Variants in TIAM2 observed in about 807,000 individuals in gnomAD.
TIAM2 encodes TIAM Rac1 associated GEF 2.
A neutral mutation model predicts 152.9 loss-of-function variants in TIAM2; 80 were observed. That is an observed-to-expected ratio of 0.52 (90% CI 0.44 to 0.63). The LOEUF (loss-of-function observed/expected upper bound fraction) is 0.63, where lower values mean the gene tolerates loss of function less well. Ranked by LOEUF, TIAM2 falls within the 30% of genes least tolerant of loss-of-function variation. TIAM2 has a pLI of 0.00. For missense variants in TIAM2, 1,965 were observed against 2,120.1 expected (o/e 0.93, Z 1.44); for synonymous variants, 804 against 838.0 (o/e 0.96, Z 0.70).
intron 14 of TIAM2, among the ~76,000 whole-genome samples, chr6:155,205,525 C>T (rs1402983608): frequency 6.6e-6 from 1 of 152,166 alleles, no homozygotes; most frequent in Non-Finnish European, 1.5e-5. Context: ...GGTCTGCTGG[C>T]GGCCACCTGG....
intron 1 of TIAM2, among the ~76,000 whole-genome samples, chr6:155,007,168 G>C (rs1778416335): frequency 6.6e-6 from 1 of 152,102 alleles, no homozygotes; most frequent in African/African-American, 2.4e-5. Flanking sequence ...TGGAGGGTGT[G>C]GGGGAGTGGA....
chr6:155,043,266 C>T (rs1326794448), intron 1 of TIAM2, among the ~76,000 whole-genome samples: 2 of 152,160 alleles, frequency 1.3e-5, no homozygotes, highest in Non-Finnish European at 2.9e-5. Flanking sequence ...TCAGCACTGG[C>T]TACACATGAG....
At chr6:155,106,175 T>C (rs1778684282) in intron 2 of TIAM2, among the ~76,000 whole-genome samples, 1 of 151,856 alleles carries the variant, frequency 6.6e-6, no homozygotes, top group African/African-American at 2.4e-5. Flanking sequence ...TGGCTAATTT[T>C]TGTAGTTTTA....
intron 1 of TIAM2, among the ~76,000 whole-genome samples, chr6:155,084,163 TTCTTGTATTTGAG>T (rs1318959477): frequency 6.6e-6 from 1 of 152,130 alleles, no homozygotes; most frequent in Non-Finnish European, 1.5e-5. Context: ...AGTGTTACTA[TTCTTGTATTTGAG>T]TCTTACTTGA....
chr6:155,061,201 CTG>C (rs1163636106), intron 1 of TIAM2, among the ~76,000 whole-genome samples: 1 of 152,172 alleles, frequency 6.6e-6, no homozygotes, highest in Non-Finnish European at 1.5e-5. Context: ...ACATTTATAT[CTG>C]TGTGTCTATC....
intron 14 of TIAM2, among the ~76,000 whole-genome samples, chr6:155,187,287 T>A (rs1781062718): frequency 6.6e-6 from 1 of 152,166 alleles, no homozygotes. Flanking sequence ...CTATATCTAA[T>A]GAATCTTTTA....
At position 155,027,417 on chromosome 6, in the gene TIAM2, GT is replaced by G. The variant is rs1319338435; in HGVS notation, c.-209+31926del. 1.1e-3 allele frequency among the ~76,000 whole-genome samples: 120 copies of G among 108,424 alleles called. 1 individual carries two copies. Among genetic ancestry groups the G allele is most frequent in the African/African-American group, 4.4e-3 (109 of 24,852 alleles). The allele number at this position is 108,424 out of a possible 152,430, so 71.1% of individuals were successfully genotyped here. A position where few individuals can be genotyped will look rare whatever the true frequency, so the allele number is the denominator to read the frequency against. On this transcript the variant is annotated intron_variant, in intron 1 of 26. Transcript: ENST00000682666. ...ATATACTATATATAATATATATACT[GT>G]GTTACATATATACTATATATAATAT...
intron 14 of TIAM2, among the ~76,000 whole-genome samples, chr6:155,184,637 T>C (rs1311600008): frequency 6.6e-6 from 1 of 152,184 alleles, no homozygotes; most frequent in Non-Finnish European, 1.5e-5. Flanking sequence ...AATCTCTGCA[T>C]GATTACCAAA....
At chr6:155,227,943 T>G (rs894238059) in intron 15 of TIAM2, among the ~76,000 whole-genome samples, 2 of 152,334 alleles carry the variant, frequency 1.3e-5, no homozygotes, top group Non-Finnish European at 2.9e-5. Flanking sequence ...CTTAGAACTA[T>G]TATCAGAGCA....
chr6:155,217,051 G>A, intron 15 of TIAM2: 1 of 1,289,356 alleles, frequency 7.8e-7, no homozygotes, highest in South Asian at 1.2e-5. Context: ...CTCCCAGAGG[G>A]AGCAGGTTTC....
Position 155,183,271 on chromosome 6 carries a change from T to C in TIAM2, c.2835T>C (p.Asn945=), listed in dbSNP as rs754483939. The change falls in exon 14 of 27, where the codon AAT becomes AAC. Residue 945 remains asparagine, a synonymous_variant. Coordinates refer to ENST00000682666, the MANE Select transcript of TIAM2 (RefSeq NM_012454.4). ...AGGGCAATGAGATCATGACCTTAAA[T>C]GGGGAAGCTGTGTCTGATCTTGACC... ...LRKGNEIMTL[N]GEAVSDLDLK... is the part of the protein sequence containing the mutation. The C allele has an allele frequency of 6.2e-7, 1 of 1,614,226 alleles. No homozygotes were observed. The highest frequency in any genetic ancestry group is 8.5e-7 in the Non-Finnish European group (1 of 1,180,036).
rs117029710 is a variant in TIAM2, at chr6:155,165,316, G to A, written c.2268G>A (p.Gln756=). The A allele has an allele frequency of 3.1e-3, 5,081 of 1,614,134 alleles. 8 individuals are homozygous for A. The highest frequency in any genetic ancestry group is 3.8e-3 in the Non-Finnish European group (4,522 of 1,180,024). The change falls in exon 9 of 27, where the codon CAG becomes CAA. Residue 756 remains glutamine (Q), a synonymous_variant. Transcript: ENST00000682666. ...ALRKRTLSLT[Q]RGRNKKGIFS... is the part of the protein sequence containing the mutation. ...GGAAAAGGACACTGTCACTGACCCA[G>A]CGAGGGAGAAACAAGAAGGGAATAT...
At chr6:155,113,215 G>A (rs1017179837) in intron 2 of TIAM2, among the ~76,000 whole-genome samples, 3 of 151,840 alleles carry the variant, frequency 2.0e-5, no homozygotes, top group African/African-American at 7.3e-5. Flanking sequence ...CTGCCTCTCC[G>A]GCACTTGCAC....
intron 14 of TIAM2, among the ~76,000 whole-genome samples, chr6:155,195,461 T>G (rs113494722): frequency 6.6e-6 from 1 of 152,214 alleles, no homozygotes; most frequent in East Asian, 1.9e-4. Context: ...TTATCAAGTA[T>G]TTAGTTACTG....
In TIAM2 at chr6:154,995,539, G is replaced by C. The variant is rs946661009; in HGVS notation, c.-209+47G>C. 5.3e-5 allele frequency: 8 copies of C among 150,758 alleles called. No individual in the cohort carries two copies. Among genetic ancestry groups the C allele is most frequent in the Non-Finnish European group, 8.9e-5 (6 of 67,568 alleles). The allele number at this position is 150,758 out of a possible 1,614,324, so 9.3% of individuals were successfully genotyped here. A position where few individuals can be genotyped will look rare whatever the true frequency, so the allele number is the denominator to read the frequency against. ...GCGCAGGAGGGCGACGACCCGCGCT[G>C]GTTGGCGGCGGCTCCAGGTCCCCTG... On this transcript the variant is annotated intron_variant, in intron 1 of 26. Coordinates refer to ENST00000682666, the MANE Select transcript of TIAM2 (RefSeq NM_012454.4). The surrounding 1 kb of genome is among the most constrained non-coding windows in gnomAD (Gnocchi z 5.2).
chr6:155,000,998 A>C (rs890298913), intron 1 of TIAM2, among the ~76,000 whole-genome samples: 4 of 152,184 alleles, frequency 2.6e-5, no homozygotes, highest in African/African-American at 9.7e-5. Flanking sequence ...AAACAAACAA[A>C]AAAAGAAACC....
intron 1 of TIAM2, among the ~76,000 whole-genome samples, chr6:155,024,447 C>T (rs1405234365): frequency 6.6e-6 from 1 of 151,088 alleles, no homozygotes. Flanking sequence ...GTCATAAAAG[C>T]TGGGTTTAGG....
intron 26 of TIAM2, chr6:155,255,791 T>TGA (rs1478023139): frequency 3.3e-5 from 5 of 152,350 alleles, no homozygotes; most frequent in African/African-American, 1.2e-4. Context: ...CTTGAGCTCT[T>TGA]GAGAACAGGA....
At position 155,165,538 on chromosome 6, in the gene TIAM2, G is replaced by T. The variant is rs1583224496; in HGVS notation, c.2361+129G>T. On this transcript the variant is annotated intron_variant, in intron 9 of 26. Transcript: ENST00000682666. ...AATGAGGCGAGGTGGGGTGGCTCAC[G>T]CCTGTAATTCTAGCACACTGGGAGG... The T allele has an allele frequency of 3.1e-6, 4 of 1,310,860 alleles. No individual in the cohort carries two copies. The Admixed American group carries it at 8.0e-5, about 26-fold the overall frequency. The allele number at this position is 1,310,860 out of a possible 1,614,324, so 81.2% of individuals were successfully genotyped here. A position where few individuals can be genotyped will look rare whatever the true frequency, so the allele number is the denominator to read the frequency against.
Sources: allele counts gnomAD v4.1 joint callset (sites outside exome capture counted in the v4.1 genomes callset), GRCh38; gene constraint gnomAD v4.1.1; non-coding constraint Gnocchi (gnomAD v3.1); transcripts MANE v1.5; gene names NCBI Gene and HGNC (gene_info 2026-07-23, HGNC 2026-07-21).